Variants in RUNX2 observed in about 807,000 individuals in gnomAD.
RUNX2 encodes runt-related transcription factor 2.
In RUNX2, 10 loss-of-function variants were observed where a neutral mutation model predicts 51.7. The ratio of observed to expected loss-of-function variants is 0.19; its 90% CI spans 0.12 to 0.33. The LOEUF is 0.33. Among genes scored for constraint, RUNX2 ranks in the 10% least tolerant of loss-of-function variants. The pLI is 1.00. For missense variants in RUNX2, 562 were observed against 691.3 expected, an observed-to-expected ratio of 0.81 and a Z score of 2.10; for synonymous variants, 276 against 273.6, an observed-to-expected ratio of 1.01 and a Z score of -0.09.
At chr6:45,487,563 T>TGC (rs1800320662) in intron 5 of RUNX2, among the ~76,000 whole-genome samples, 1 of 152,198 alleles carries the variant, frequency 6.6e-6, no homozygotes, top group African/African-American at 2.4e-5. Context: ...AGTAAGGGCT[T>TGC]ATCTCTAGAG....
intron 2 of RUNX2, among the ~76,000 whole-genome samples, chr6:45,419,760 C>G (rs929840898): frequency 6.6e-6 from 1 of 152,184 alleles, no homozygotes; most frequent in African/African-American, 2.4e-5. Context: ...CCAGTTGGTC[C>G]GGTCTGGCTA....
At chr6:45,429,772 C>T (rs1798487238) in intron 3 of RUNX2, among the ~76,000 whole-genome samples, 1 of 152,108 alleles carries the variant, frequency 6.6e-6, no homozygotes, top group Non-Finnish European at 1.5e-5. Context: ...AAGTGGGGCT[C>T]TTTATGGAGC....
intron 2 of RUNX2, among the ~76,000 whole-genome samples, chr6:45,358,552 T>C (rs1414771276): frequency 6.6e-6 from 1 of 152,182 alleles, no homozygotes; most frequent in African/African-American, 2.4e-5. Context: ...GATGATGATA[T>C]TTATTTTTTA....
At chr6:45,468,843 G>A (rs1799715621) in intron 5 of RUNX2, among the ~76,000 whole-genome samples, 1 of 152,130 alleles carries the variant, frequency 6.6e-6, no homozygotes, top group Admixed American at 6.5e-5. Flanking sequence ...CCCCAATCAT[G>A]TAACAATCAA....
chr6:45,384,286 G>C (rs765200483), intron 2 of RUNX2, among the ~76,000 whole-genome samples: 6 of 151,516 alleles, frequency 4.0e-5, no homozygotes, highest in Non-Finnish European at 7.4e-5. Context: ...TTGTTTGTTT[G>C]TTTGTTTCTT....
chr6:45,354,607 A>T (rs1792763973), intron 2 of RUNX2, among the ~76,000 whole-genome samples: 1 of 142,082 alleles, frequency 7.0e-6, no homozygotes, highest in South Asian at 2.3e-4. Flanking sequence ...TTCAAACAGT[A>T]ACTACACAAA....
chr6:45,476,684 G>A (rs1403196367), intron 5 of RUNX2, among the ~76,000 whole-genome samples: 1 of 152,146 alleles, frequency 6.6e-6, no homozygotes, highest in Non-Finnish European at 1.5e-5. Flanking sequence ...TCAAATTAGT[G>A]TTAAGAAATA....
rs114527760 is a variant in RUNX2, at chr6:45,382,186, A to G, written c.59-40407A>G. On this transcript the variant is annotated intron_variant, in intron 2 of 8. Transcript: ENST00000647337. ...GGAATCAAACAACTTCTACATTTCAACGGATTGTTGTAGGCCTACCATGTA... is the reference window on the plus strand; with the variant it reads ...GGAATCAAACAACTTCTACATTTCAGCGGATTGTTGTAGGCCTACCATGTA... Among the ~76,000 whole-genome samples the G allele has an allele frequency of 2.6e-3, 391 of 152,322 alleles. 3 individuals carry two copies. The highest frequency in any genetic ancestry group is 8.6e-3 in the African/African-American group (357 of 41,578).
intron 2 of RUNX2, among the ~76,000 whole-genome samples, chr6:45,362,624 A>C (rs1385009866): frequency 6.6e-6 from 1 of 152,166 alleles, no homozygotes; most frequent in South Asian, 2.1e-4. Context: ...AGAAATTCCT[A>C]AGGGCAAAAA....
intron 2 of RUNX2, among the ~76,000 whole-genome samples, chr6:45,332,416 T>C (rs1274028107): frequency 6.6e-6 from 1 of 151,820 alleles, no homozygotes; most frequent in Non-Finnish European, 1.5e-5. Context: ...CTATATTATT[T>C]ATTTTTGCAT....
intron 5 of RUNX2, among the ~76,000 whole-genome samples, chr6:45,477,040 C>A (rs1208439107): frequency 6.6e-6 from 1 of 152,164 alleles, no homozygotes; most frequent in Admixed American, 6.5e-5. Flanking sequence ...TGTGACCTAA[C>A]TTTGTGTCCC....
chr6:45,485,693 G>GTATATATATATATATATATATATATA (rs1257977356), intron 5 of RUNX2, among the ~76,000 whole-genome samples: 6 of 101,860 alleles, frequency 5.9e-5, no homozygotes, highest in African/African-American at 1.6e-4. Context: ...GTGTGTGTGT[G>GTATATATATATATATATATATATATA]TGTGTATATA....
intron 2 of RUNX2, among the ~76,000 whole-genome samples, chr6:45,366,157 C>T (rs1581944205): frequency 6.6e-6 from 1 of 152,112 alleles, no homozygotes; most frequent in Non-Finnish European, 1.5e-5. Flanking sequence ...CTTTGCAAAG[C>T]TGTAATTTTC....
chr6:45,371,394 CTT>C (rs560509544), intron 2 of RUNX2, among the ~76,000 whole-genome samples: 6 of 138,882 alleles, frequency 4.3e-5, no homozygotes, highest in East Asian at 4.2e-4. Flanking sequence ...TATTAGCTCA[CTT>C]TTTTTTTTTT....
chr6:45,471,320 G>T (rs2150393339), intron 5 of RUNX2, among the ~76,000 whole-genome samples: 1 of 152,250 alleles, frequency 6.6e-6, no homozygotes, highest in East Asian at 1.9e-4. Flanking sequence ...GATATTTATG[G>T]ATATAAGTCA....
intron 2 of RUNX2, among the ~76,000 whole-genome samples, chr6:45,334,457 A>C (rs1562971023): frequency 6.6e-6 from 1 of 150,412 alleles, no homozygotes; most frequent in Non-Finnish European, 1.5e-5. Context: ...AGCAAAAAAA[A>C]AAAAAAAAAA....
chr6:45,375,348 T>G (rs1796634540), intron 2 of RUNX2, among the ~76,000 whole-genome samples: 1 of 152,186 alleles, frequency 6.6e-6, no homozygotes, highest in South Asian at 2.1e-4. Flanking sequence ...AGGGGTTCTA[T>G]TAAATAAAAT....
chr6:45,419,479 A>G (rs1223069461), intron 2 of RUNX2, among the ~76,000 whole-genome samples: 1 of 152,060 alleles, frequency 6.6e-6, no homozygotes. Context: ...GTGTGTATGT[A>G]TTTATGTGTG....
At chr6:45,443,904 G>T (rs1303492594) in intron 5 of RUNX2, among the ~76,000 whole-genome samples, 1 of 152,100 alleles carries the variant, frequency 6.6e-6, no homozygotes, top group Non-Finnish European at 1.5e-5. Context: ...AGATGGAGTG[G>T]CATGATCTTG....
Sources: allele counts gnomAD v4.1 joint callset (sites outside exome capture counted in the v4.1 genomes callset), GRCh38; gene constraint gnomAD v4.1.1; transcripts MANE v1.5; gene names NCBI Gene and HGNC (gene_info 2026-07-23, HGNC 2026-07-21).